Variants in ENKUR observed in about 807,000 individuals in gnomAD.
The protein encoded by ENKUR is enkurin.
A neutral mutation model predicts 27.6 loss-of-function variants in ENKUR; 19 were observed. The observed-to-expected ratio is 0.69, with a 90% confidence interval of 0.48 to 1.01. ENKUR has a LOEUF of 1.01. Ranked by LOEUF, ENKUR falls within the 50% of genes least tolerant of loss-of-function variation. The probability of loss-of-function intolerance (pLI) is 0.00; values close to 1 mark genes in which losing one functional copy is unlikely to be tolerated. For synonymous variants in ENKUR, 117 were observed against 96.9 expected (o/e 1.21, Z -1.22); for missense variants, 312 against 310.5 (o/e 1.00, Z -0.04).
intron 2 of ENKUR, chr10:25,061,092 C>A: frequency 6.5e-7 from 1 of 1,535,832 alleles, no homozygotes; most frequent in Non-Finnish European, 8.7e-7. Context: ...AACCTGTGAA[C>A]ACAAGAATGT....
At chr10:25,018,608 G>C (rs1463394680), upstream of ENKUR, among the ~76,000 whole-genome samples, 1 of 150,194 alleles carries the variant, frequency 6.7e-6, no homozygotes, top group African/African-American at 2.4e-5. Context: ...ACAGATCCTA[G>C]ATCCCCGTAT....
chr10:24,985,892 AC>A (rs1849766945), intron 4 of ENKUR, among the ~76,000 whole-genome samples: 2 of 152,292 alleles, frequency 1.3e-5, no homozygotes, highest in Admixed American at 1.3e-4. Flanking sequence ...ACATGGCAAA[AC>A]CCTGTCGCTA....
At chr10:24,985,240 C>A (rs536927553) in intron 4 of ENKUR, among the ~76,000 whole-genome samples, 18 of 152,272 alleles carry the variant, frequency 1.2e-4, no homozygotes, top group Admixed American at 3.9e-4. Context: ...GGGTAAAAAA[C>A]AACTTAGAAT....
At chr10:25,022,239 A>G (rs1420926018) in intron 2 of ENKUR, among the ~76,000 whole-genome samples, 3 of 152,186 alleles carry the variant, frequency 2.0e-5, no homozygotes, top group Non-Finnish European at 4.4e-5. Flanking sequence ...GACTTGGTCA[A>G]TATGGGAAAT....
intron 4 of ENKUR, among the ~76,000 whole-genome samples, chr10:24,987,692 C>T (rs1849809753): frequency 6.6e-6 from 1 of 152,152 alleles, no homozygotes; most frequent in Admixed American, 6.6e-5. Flanking sequence ...CCCTTTGTTA[C>T]CTCCTCTGCA....
chr10:24,984,069 A>G lies in ENKUR; in HGVS notation c.*301T>C. 3.1e-6 allele frequency: 1 copy of G among 327,582 alleles called. No homozygotes were observed. The highest frequency in any genetic ancestry group is 5.5e-6 in the Non-Finnish European group (1 of 181,830). The allele number at this position is 327,582 out of a possible 1,614,324, so 20.3% of individuals were successfully genotyped here. On this transcript the variant is annotated 3_prime_UTR_variant, in exon 6 of 6. Coordinates refer to ENST00000331161, the MANE Select transcript of ENKUR (RefSeq NM_145010.4). ...TATCGAGGTTGGTATGCTAGAAAGG[A>G]GGCTATTCTCCTTAATCATCCTCAA...
chr10:25,058,398 G>T (rs185623930), intron 2 of ENKUR, among the ~76,000 whole-genome samples: 1 of 151,986 alleles, frequency 6.6e-6, no homozygotes, highest in Non-Finnish European at 1.5e-5. Context: ...GTAGATATGG[G>T]GGTCTCACTA....
intron 1 of ENKUR, among the ~76,000 whole-genome samples, chr10:25,014,182 G>A (rs897948617): frequency 6.6e-6 from 1 of 151,994 alleles, no homozygotes; most frequent in African/African-American, 2.4e-5. Flanking sequence ...TCTCATTATG[G>A]TTTTCAATGA....
chr10:25,054,795 GC>G (rs1253889947), intron 2 of ENKUR, among the ~76,000 whole-genome samples: 1 of 151,180 alleles, frequency 6.6e-6, no homozygotes, highest in Non-Finnish European at 1.5e-5. Flanking sequence ...TCCCACCTCA[GC>G]CCCCCTCATA....
At chr10:25,043,474 C>T (rs1851086559) in intron 2 of ENKUR, among the ~76,000 whole-genome samples, 1 of 152,000 alleles carries the variant, frequency 6.6e-6, no homozygotes, top group South Asian at 2.1e-4. Context: ...TAACATCTTT[C>T]CCCCAGTATA....
chr10:25,018,258 A>T (rs1415975097), upstream of ENKUR, among the ~76,000 whole-genome samples: 1 of 152,202 alleles, frequency 6.6e-6, no homozygotes, highest in Non-Finnish European at 1.5e-5. Flanking sequence ...TTGCCTTTTG[A>T]AAGTGTGTTT....
intron 2 of ENKUR, among the ~76,000 whole-genome samples, chr10:25,034,100 C>CAA (rs201253639): frequency 1.4e-5 from 2 of 147,600 alleles, no homozygotes; most frequent in Non-Finnish European, 3.0e-5. Flanking sequence ...GAAAATTATG[C>CAA]AAAAAAAAAT....
chr10:25,000,224 T>C (rs1184689519), intron 1 of ENKUR, among the ~76,000 whole-genome samples: 2 of 152,166 alleles, frequency 1.3e-5, no homozygotes. Flanking sequence ...TTTTCTGACA[T>C]TTGTTTTATG....
intron 2 of ENKUR, among the ~76,000 whole-genome samples, chr10:25,036,736 C>G (rs180771213): frequency 6.6e-6 from 1 of 152,320 alleles, no homozygotes; most frequent in East Asian, 1.9e-4. Context: ...ATTCCTGGGT[C>G]ATTTTAGCCT....
exon 2 of ENKUR, chr10:25,061,148 T>C: frequency 6.5e-7 from 1 of 1,536,128 alleles, no homozygotes; most frequent in Non-Finnish European, 8.7e-7. Flanking sequence ...TCTGTCTTCA[T>C]GCTCCGTGGT....
At chr10:24,990,369 C>T in intron 4 of ENKUR, 94 bp downstream of exon 4, 1 of 1,460,234 alleles carries the variant, frequency 6.8e-7, no homozygotes, top group Non-Finnish European at 9.2e-7. Context: ...TTTCAAAATC[C>T]AAGTGCTGAC....
intron 2 of ENKUR, among the ~76,000 whole-genome samples, chr10:25,032,083 C>T (rs1188896250): frequency 6.6e-6 from 1 of 152,054 alleles, no homozygotes; most frequent in Non-Finnish European, 1.5e-5. Context: ...TGAGACATTC[C>T]TCAAGTGTTT....
upstream of ENKUR, among the ~76,000 whole-genome samples, chr10:25,017,066 TCGG>T (rs760565536): frequency 4.6e-5 from 7 of 152,062 alleles, no homozygotes; most frequent in Non-Finnish European, 8.8e-5. Context: ...GTCCTCCGGG[TCGG>T]CTCTGCGCCT....
At chr10:25,050,847 T>A (rs1400963826) in intron 2 of ENKUR, among the ~76,000 whole-genome samples, 1 of 152,136 alleles carries the variant, frequency 6.6e-6, no homozygotes, top group Non-Finnish European at 1.5e-5. Context: ...AAACAATATA[T>A]ATGTACCCTA....
Sources: gnomAD v4.1 joint callset for allele counts (sites outside exome capture counted in the v4.1 genomes callset) on GRCh38, gnomAD v4.1.1 for gene constraint, MANE v1.5 for transcripts, NCBI Gene and HGNC (gene_info 2026-07-23, HGNC 2026-07-21) for gene names.